Variants in SLC22A25 observed in about 807,000 individuals in gnomAD.
SLC22A25 encodes the protein MGI:2442751, MGI:2385316, MGI:3042283, MGI:3645714, MGI:3605624, MGI:2442750.
In SLC22A25, 44 loss-of-function variants were observed where a neutral mutation model predicts 45.9. The ratio of observed to expected loss-of-function variants is 0.96; its 90% confidence interval spans 0.75 to 1.23. The LOEUF is 1.23. SLC22A25 is among the 50% of genes most tolerant of loss of function. SLC22A25 has a pLI of 0.00. For missense variants in SLC22A25, 800 were observed against 666.4 expected (o/e 1.20, Z -2.21); for synonymous variants, 283 against 238.6 (o/e 1.19, Z -1.72).
At chr11:63,239,390 T>C (rs567043930) in intron 1 of SLC22A25, among the ~76,000 whole-genome samples, 3 of 152,340 alleles carry the variant, frequency 2.0e-5, no homozygotes, top group Admixed American at 1.3e-4. Context: ...AGTTCTACTT[T>C]GTGAAAATTT....
At chr11:63,200,605 G>C (rs1028303394) in intron 7 of SLC22A25, among the ~76,000 whole-genome samples, 1 of 152,050 alleles carries the variant, frequency 6.6e-6, no homozygotes, top group Non-Finnish European at 1.5e-5. Flanking sequence ...CACAAGATGA[G>C]GTTGCCCTCT....
chr11:63,217,781 T>C, intron 5 of SLC22A25, 46 bp from the exon 6 acceptor site: 1 of 1,554,588 alleles, frequency 6.4e-7, no homozygotes, highest in South Asian at 1.2e-5. Context: ...TAACAACCTT[T>C]GGGAAATGTT....
chr11:63,195,610 T>C (rs1233919034), intron 7 of SLC22A25, among the ~76,000 whole-genome samples: 3 of 151,880 alleles, frequency 2.0e-5, no homozygotes, highest in Non-Finnish European at 2.9e-5. Context: ...AAGCAGTGTG[T>C]AGAGGGAAAT....
chr11:63,236,082 T>C (rs939762316), intron 3 of SLC22A25, among the ~76,000 whole-genome samples: 5 of 152,110 alleles, frequency 3.3e-5, no homozygotes, highest in African/African-American at 9.7e-5. Context: ...TTAGGCTACT[T>C]GGTGTTCAGG....
At chr11:63,164,275 A>G (rs1361740732) in intron 11 of SLC22A25, among the ~76,000 whole-genome samples, 2 of 152,212 alleles carry the variant, frequency 1.3e-5, no homozygotes, top group Non-Finnish European at 2.9e-5. Flanking sequence ...CATTTACAAA[A>G]TGCTATTTTC....
intron 9 of SLC22A25, chr11:63,166,750 A>T: frequency 4.1e-6 from 4 of 987,062 alleles, no homozygotes; most frequent in Non-Finnish European, 4.8e-6. Flanking sequence ...CATGGCATTC[A>T]TTCTGTAGAT....
chr11:63,235,471 C>T (rs991975986), intron 3 of SLC22A25, among the ~76,000 whole-genome samples: 8 of 152,192 alleles, frequency 5.3e-5, no homozygotes, highest in African/African-American at 1.9e-4. Flanking sequence ...TCACGTAGTT[C>T]TTGTGCCATT....
intron 3 of SLC22A25, among the ~76,000 whole-genome samples, chr11:63,231,468 C>T (rs2090067659): frequency 6.6e-6 from 1 of 152,214 alleles, no homozygotes; most frequent in African/African-American, 2.4e-5. Flanking sequence ...AGCATCTGTT[C>T]ATATACTTTG....
chr11:63,241,839 C>T (rs1373609319), intron 1 of SLC22A25, among the ~76,000 whole-genome samples: 1 of 152,186 alleles, frequency 6.6e-6, no homozygotes, highest in East Asian at 1.9e-4. Flanking sequence ...GTCTCTGAAC[C>T]ACCAGACTGT....
intron 7 of SLC22A25, among the ~76,000 whole-genome samples, chr11:63,194,478 A>G (rs1197191913): frequency 6.6e-6 from 1 of 152,158 alleles, no homozygotes; most frequent in African/African-American, 2.4e-5. Context: ...TTCATAAGTG[A>G]AGGAGACATA....
intron 5 of SLC22A25, among the ~76,000 whole-genome samples, chr11:63,228,242 G>C (rs2090000464): frequency 6.6e-6 from 1 of 152,122 alleles, no homozygotes; most frequent in South Asian, 2.1e-4. Flanking sequence ...ACACCCCCAG[G>C]TCAGATGGAG....
intron 7 of SLC22A25, among the ~76,000 whole-genome samples, chr11:63,199,327 C>T (rs1331363461): frequency 2.6e-5 from 4 of 152,114 alleles, no homozygotes; most frequent in African/African-American, 9.7e-5. Flanking sequence ...TTCCTGGACA[C>T]ATAAACCCTC....
intron 4 of SLC22A25, 28 bp downstream of exon 4, chr11:63,229,223 C>T: frequency 2.7e-6 from 4 of 1,501,146 alleles, no homozygotes; most frequent in African/African-American, 1.4e-5. Flanking sequence ...AGGTCATGTA[C>T]ACAAGAGAGG....
intron 7 of SLC22A25, among the ~76,000 whole-genome samples, chr11:63,184,692 T>A (rs2088457052): frequency 6.6e-6 from 1 of 152,144 alleles, no homozygotes; most frequent in Non-Finnish European, 1.5e-5. Context: ...CATCTCAAAC[T>A]TTATCACAAA....
intron 7 of SLC22A25, among the ~76,000 whole-genome samples, chr11:63,206,433 C>T (rs1262246026): frequency 2.6e-5 from 4 of 152,198 alleles, no homozygotes; most frequent in African/African-American, 9.6e-5. Flanking sequence ...GCAACTTCAG[C>T]AAAGTCTCAG....
intron 7 of SLC22A25, among the ~76,000 whole-genome samples, chr11:63,206,890 G>C (rs926978938): frequency 6.6e-6 from 1 of 152,116 alleles, no homozygotes; most frequent in Non-Finnish European, 1.5e-5. Flanking sequence ...ACATTACAAG[G>C]CTACAGTAAC....
At chr11:63,191,909 C>T (rs1228354157) in intron 7 of SLC22A25, among the ~76,000 whole-genome samples, 1 of 152,150 alleles carries the variant, frequency 6.6e-6, no homozygotes, top group African/African-American at 2.4e-5. Flanking sequence ...TTCAGGATAT[C>T]TTCCATAAGA....
intron 5 of SLC22A25, chr11:63,220,023 TGCCATTTCAGAA>T: frequency 7.8e-7 from 1 of 1,289,028 alleles, no homozygotes; most frequent in Non-Finnish European, 1.0e-6. Flanking sequence ...AATGGTTTCC[TGCCATTTCAGAA>T]GACATACGGT....
chr11:63,184,230 T>A (rs1419993826), intron 7 of SLC22A25, among the ~76,000 whole-genome samples: 3 of 152,152 alleles, frequency 2.0e-5, no homozygotes, highest in Admixed American at 1.3e-4. Context: ...AGAGACTAGA[T>A]TCATTTCTGG....
Sources: gnomAD v4.1 joint callset for allele counts (sites outside exome capture counted in the v4.1 genomes callset) on GRCh38, gnomAD v4.1.1 for gene constraint, MANE v1.5 for transcripts, NCBI Gene and HGNC (gene_info 2026-07-23, HGNC 2026-07-21) for gene names.